The following ENTPD6 variants were observed in gnomAD, a reference collection of about 807,000 sequenced individuals.
ENTPD6 encodes the protein ectonucleoside triphosphate diphosphohydrolase 6.
A neutral mutation model predicts 61.5 loss-of-function variants in ENTPD6; 46 were observed. The observed-to-expected ratio is 0.75, with a 90% CI of 0.59 to 0.96. ENTPD6 has a LOEUF of 0.96. ENTPD6 is among the 40% of genes least tolerant of loss of function. The pLI is 0.00. For synonymous variants in ENTPD6, 252 were observed against 255.5 expected, an observed-to-expected ratio of 0.99 and a Z score of 0.13; for missense variants, 612 against 629.0, an observed-to-expected ratio of 0.97 and a Z score of 0.29.
chr20:25,218,821 T>C (rs2092491357), intron 10 of ENTPD6, among the ~76,000 whole-genome samples: 1 of 152,240 alleles, frequency 6.6e-6, no homozygotes, highest in Non-Finnish European at 1.5e-5. Context: ...ATCTTGTTGG[T>C]GGCACCCTGA....
At chr20:25,215,104 C>T (rs2092244169) in intron 6 of ENTPD6, among the ~76,000 whole-genome samples, 162 bp downstream of exon 6, 1 of 152,180 alleles carries the variant, frequency 6.6e-6, no homozygotes. Context: ...CAGCCCCGTT[C>T]TGATTCACAA....
At chr20:25,210,268 T>G (rs1439587247) in intron 4 of ENTPD6, among the ~76,000 whole-genome samples, 1 of 152,222 alleles carries the variant, frequency 6.6e-6, no homozygotes, top group Non-Finnish European at 1.5e-5. Flanking sequence ...TTACGCTAAT[T>G]TAGTCTTGTG....
chr20:25,201,503 A>G (rs970214246), intron 1 of ENTPD6, among the ~76,000 whole-genome samples: 1 of 152,162 alleles, frequency 6.6e-6, no homozygotes, highest in Admixed American at 6.6e-5. Context: ...CTATTTTATC[A>G]TGATATAATG....
intron 6 of ENTPD6, 83 bp from the exon 7 acceptor site, chr20:25,215,593 G>A: frequency 7.0e-7 from 1 of 1,422,594 alleles, no homozygotes; most frequent in Non-Finnish European, 9.9e-7. Flanking sequence ...CCCCAGATCT[G>A]CAAATAGTCA....
intron 7 of ENTPD6, 38 bp from the exon 8 acceptor site, chr20:25,216,610 C>G: frequency 6.6e-7 from 1 of 1,504,158 alleles, no homozygotes; most frequent in Non-Finnish European, 9.1e-7. Flanking sequence ...CGCGATCTTA[C>G]TAATGCCCCT....
chr20:25,199,313 G>T (rs777826667), intron 1 of ENTPD6, among the ~76,000 whole-genome samples: 1 of 152,174 alleles, frequency 6.6e-6, no homozygotes, highest in Non-Finnish European at 1.5e-5. Flanking sequence ...TGTCTCCTTC[G>T]TTGAGAGAGT....
intron 1 of ENTPD6, among the ~76,000 whole-genome samples, chr20:25,200,503 C>A (rs1349460220): frequency 3.3e-5 from 5 of 151,644 alleles, no homozygotes; most frequent in African/African-American, 9.7e-5. Context: ...TTGCCAAATT[C>A]TTTATTATTT....
chr20:25,224,048 G>A (rs1600687970), intron 12 of ENTPD6, 53 bp from the exon 13 acceptor site: 2 of 1,559,200 alleles, frequency 1.3e-6, no homozygotes, highest in East Asian at 4.5e-5. Flanking sequence ...ACGTCTCAGT[G>A]GCATCGCCAA....
At chr20:25,213,614 G>A (rs553295603) in intron 5 of ENTPD6, among the ~76,000 whole-genome samples, 1 of 152,346 alleles carries the variant, frequency 6.6e-6, no homozygotes, top group Admixed American at 6.5e-5. Flanking sequence ...GTTTTCTGGA[G>A]TGAATCTGTG....
chr20:25,197,373 T>G (rs1479865952), intron 1 of ENTPD6: 11 of 393,564 alleles, frequency 2.8e-5, no homozygotes, highest in Non-Finnish European at 3.5e-5. Flanking sequence ...ACCTCTCTGT[T>G]TGCCTGTGTG....
At chr20:25,201,760 G>C (rs1264035369) in intron 1 of ENTPD6, among the ~76,000 whole-genome samples, 4 of 152,222 alleles carry the variant, frequency 2.6e-5, no homozygotes, top group African/African-American at 7.2e-5. Context: ...TGTAACTTCA[G>C]TCTAGAATGC....
At position 25,207,296 on chromosome 20, in the gene ENTPD6, G is replaced by A. The variant is rs140692182; in HGVS notation, c.275G>A (p.Gly92Glu). 18 of 1,608,800 alleles carry A rather than the reference G, an allele frequency of 1.1e-5. No homozygotes were observed. In the African/African-American group the frequency reaches 2.3e-4, roughly 20 times the overall value. ...RWGQQAHSPL[G>E]TAADGHEVFY... is the part of the protein sequence containing the mutation. The stretch of plus-strand genomic sequence containing the variant: ...GGTCAGCAGGCCCACAGCCCCCTGG[G>A]GACAGCTGCAGACGGGCACGAGGTC... The change falls in exon 3 of 15, where the codon GGG becomes GAG. Residue 92 changes from glycine to glutamate, a missense_variant. Transcript: ENST00000376652.
intron 12 of ENTPD6, chr20:25,223,834 G>T (rs192834602): frequency 5.8e-6 from 2 of 346,238 alleles, no homozygotes; most frequent in East Asian, 4.3e-5. Flanking sequence ...TCAATTTGGG[G>T]TCCTGGGTTC....
Position 25,226,186 on chromosome 20 carries a change from C to T in ENTPD6, c.*589C>T, listed in dbSNP as rs1043875225. 2 of 152,832 alleles carry T rather than the reference C, an allele frequency of 1.3e-5. No individual in the cohort carries two copies. Among genetic ancestry groups the T allele is most frequent in the African/African-American group, 4.8e-5 (2 of 41,470 alleles). The allele number at this position is 152,832 out of a possible 1,614,324, so 9.5% of individuals were successfully genotyped here. On this transcript the variant is annotated 3_prime_UTR_variant, in exon 15 of 15. Coordinates refer to ENST00000376652, the MANE Select transcript of ENTPD6 (RefSeq NM_001247.5). ...GTGTGAGTTCACCCAGAGGCCTGCT[C>T]TCCTCACACATTGTGTGGTTTGGGG...
intron 6 of ENTPD6, among the ~76,000 whole-genome samples, 173 bp downstream of exon 6, chr20:25,215,115 T>C (rs1483549353): frequency 1.3e-5 from 2 of 152,156 alleles, no homozygotes; most frequent in Non-Finnish European, 2.9e-5. Context: ...TGATTCACAA[T>C]TGACATGTCA....
chr20:25,213,595 G>T (rs906328356), intron 5 of ENTPD6, among the ~76,000 whole-genome samples, 189 bp downstream of exon 5: 1 of 152,202 alleles, frequency 6.6e-6, no homozygotes, highest in Non-Finnish European at 1.5e-5. Flanking sequence ...GACATTTAAG[G>T]TTATTCATGT....
chr20:25,221,221 C>A lies in ENTPD6; in HGVS notation c.944-11C>A, dbSNP rs770444880. 3 of 1,604,892 alleles carry A rather than the reference C, an allele frequency of 1.9e-6. No individual in the cohort carries two copies. The South Asian group carries it at 3.3e-5, about 18-fold the overall frequency. ...CCTTCCTTTCTCTTTCCTTTTTAAT[C>A]TCTGTTTCAGCTAAGGATGGAAAGG... is the stretch of plus-strand genomic sequence containing the variant. On this transcript the variant is annotated splice_polypyrimidine_tract_variant and intron_variant, in intron 10 of 14. Coordinates refer to ENST00000376652, the MANE Select transcript of ENTPD6 (RefSeq NM_001247.5).
intron 3 of ENTPD6, 29 bp from the exon 4 acceptor site, chr20:25,209,814 ATAGTTG>A: frequency 6.4e-7 from 1 of 1,565,454 alleles, no homozygotes; most frequent in South Asian, 1.1e-5. Flanking sequence ...GTGTGTATTC[ATAGTTG>A]TACCCTTTTC....
At chr20:25,198,924 T>C (rs999645148) in intron 1 of ENTPD6, among the ~76,000 whole-genome samples, 1 of 152,248 alleles carries the variant, frequency 6.6e-6, no homozygotes, top group Non-Finnish European at 1.5e-5. Flanking sequence ...ACCTGATCAC[T>C]GCTGCCTCCT....
Sources: gnomAD v4.1 joint callset for allele counts (sites outside exome capture counted in the v4.1 genomes callset) on GRCh38, gnomAD v4.1.1 for gene constraint, MANE v1.5 for transcripts, NCBI Gene and HGNC (gene_info 2026-07-23, HGNC 2026-07-21) for gene names.